Variants in KAZN observed in about 807,000 individuals in gnomAD.
KAZN encodes the protein kazrin, periplakin interacting protein.
In KAZN, 40 loss-of-function variants were observed where a neutral mutation model predicts 87.4. The ratio of observed to expected loss-of-function variants is 0.46; its 90% CI spans 0.36 to 0.60. The LOEUF (loss-of-function observed/expected upper bound fraction) is 0.60. KAZN is among the 20% of genes least tolerant of loss of function. KAZN has a pLI of 0.00. For synonymous variants in KAZN, 466 were observed against 458.3 expected (o/e 1.02, Z -0.22); for missense variants, 898 against 1,073.9 (o/e 0.84, Z 2.29).
intron 1 of KAZN, among the ~76,000 whole-genome samples, chr1:14,083,084 C>T (rs961815629): frequency 1.3e-5 from 2 of 152,074 alleles, no homozygotes; most frequent in African/African-American, 2.4e-5. Context: ...CCCAGCGACT[C>T]GGGAGGTTTC....
chr1:14,359,751 T>C (rs974150432), intron 2 of KAZN, among the ~76,000 whole-genome samples: 3 of 152,184 alleles, frequency 2.0e-5, no homozygotes, highest in Non-Finnish European at 4.4e-5. Flanking sequence ...TTTAAGAATG[T>C]TGAATATTGG....
At chr1:14,746,636 G>T (rs1644268387) in intron 1 of KAZN, among the ~76,000 whole-genome samples, 1 of 152,092 alleles carries the variant, frequency 6.6e-6, no homozygotes. Flanking sequence ...CTGGAGTTGG[G>T]GAGCTGGGGT....
rs967010919 is a variant in KAZN at position 14,881,857 on chromosome 1, T to C, written c.227-78827T>C. ...TTTAAATGAGATTTGGATTCACAAA[T>C]GTAGGTGCTGCTGGCTATGGTGGTG... On this transcript the variant is annotated intron_variant, in intron 1 of 14. Coordinates refer to ENST00000376030, the MANE Select transcript of KAZN (RefSeq NM_201628.3). Among the ~76,000 whole-genome samples the C allele has an allele frequency of 2.0e-5, 3 of 152,230 alleles. No homozygotes were observed. In the East Asian group the frequency reaches 5.8e-4, roughly 29 times the overall value.
chr1:14,817,977 A>C (rs939494020), intron 1 of KAZN, among the ~76,000 whole-genome samples: 1 of 152,266 alleles, frequency 6.6e-6, no homozygotes, highest in Non-Finnish European at 1.5e-5. Flanking sequence ...GGTTTTGCTC[A>C]TACACAGCTG....
intron 1 of KAZN, among the ~76,000 whole-genome samples, chr1:14,147,231 T>C (rs934208419): frequency 2.0e-5 from 3 of 152,206 alleles, no homozygotes; most frequent in Admixed American, 6.5e-5. Context: ...TAAGTTTCCA[T>C]GTATTCGAAA....
At chr1:14,547,361 C>T (rs1056605116) in intron 2 of KAZN, among the ~76,000 whole-genome samples, 3 of 152,142 alleles carry the variant, frequency 2.0e-5, no homozygotes, top group African/African-American at 4.8e-5. Context: ...AAGGTAAGGC[C>T]TGAATTCTAG....
chr1:14,369,352 G>A (rs1054357859), intron 2 of KAZN, among the ~76,000 whole-genome samples: 4 of 152,198 alleles, frequency 2.6e-5, no homozygotes, highest in African/African-American at 9.6e-5. Flanking sequence ...TTGCACGACT[G>A]TATTTACCTT....
At position 14,149,491 on chromosome 1, in the gene KAZN, G is replaced by A. The variant is rs138712193; in HGVS notation, c.92-30944G>A. ...ATCTTGCCCAGTCCCAAGTCTTTCC[G>A]GAGTTCTGGGAACACGGGGCTCTTG... On this transcript the variant is annotated intron_variant, in intron 1 of 16. Coordinates refer to the KAZN transcript ENST00000636203. Among the ~76,000 whole-genome samples the A allele has an allele frequency of 2.0e-3, 305 of 152,116 alleles. 2 individuals carry two copies. The highest frequency in any genetic ancestry group is 6.9e-3 in the African/African-American group (285 of 41,500).
At chr1:14,460,383 G>A (rs1667794652) in intron 2 of KAZN, among the ~76,000 whole-genome samples, 1 of 152,226 alleles carries the variant, frequency 6.6e-6, no homozygotes, top group African/African-American at 2.4e-5. Flanking sequence ...CACACAGCTT[G>A]GCAGCAGCCG....
intron 1 of KAZN, among the ~76,000 whole-genome samples, chr1:14,103,822 C>T (rs1290826811): frequency 6.6e-6 from 1 of 152,162 alleles, no homozygotes; most frequent in Non-Finnish European, 1.5e-5. Context: ...TGTAAGGTAT[C>T]ATATGCACAG....
intron 8 of KAZN, among the ~76,000 whole-genome samples, chr1:15,088,961 T>C (rs1403636162): frequency 6.6e-6 from 1 of 151,722 alleles, no homozygotes; most frequent in South Asian, 2.1e-4. Flanking sequence ...AGAAAATAAA[T>C]AACCCACACA....
intron 1 of KAZN, among the ~76,000 whole-genome samples, chr1:14,886,968 T>C (rs1467667960): frequency 2.6e-5 from 4 of 152,344 alleles, no homozygotes; most frequent in South Asian, 2.1e-4. Context: ...TGGTTCCTAG[T>C]AGGTTCTCAT....
chr1:14,969,299 C>G (rs1664775393), intron 2 of KAZN, among the ~76,000 whole-genome samples: 1 of 152,268 alleles, frequency 6.6e-6, no homozygotes, highest in Admixed American at 6.5e-5. Context: ...GCACTCCATT[C>G]TTAGTCTCAT....
rs529982569 is a variant in KAZN at position 14,820,093 on chromosome 1, T to A, written c.227-140591T>A. On this transcript the variant is annotated intron_variant, in intron 1 of 14. Coordinates refer to ENST00000376030, the MANE Select transcript of KAZN (RefSeq NM_201628.3). The surrounding 1 kb of genome is among the most constrained non-coding windows in gnomAD (Gnocchi z 4.1). Reference sequence around the variant, plus strand: ...TCTCCAACTTTAATGTGCTCAGGAATCACCTGGAGAATTTGTGAATTTATG... The same window carrying A: ...TCTCCAACTTTAATGTGCTCAGGAAACACCTGGAGAATTTGTGAATTTATG... Among the ~76,000 whole-genome samples the A allele has an allele frequency of 6.6e-6, 1 of 152,294 alleles. No individual in the cohort carries two copies. The highest frequency in any genetic ancestry group is 2.1e-4 in the South Asian group (1 of 4,824).
rs12036453 is a variant in KAZN at position 13,932,361 on chromosome 1, T to C, written c.91+38605T>C. ...CTGCAAGCTCCGCCTCCCGGGTTCA[T>C]GCCATTCTCCTGCCTCAGCCTCCCG... On this transcript the variant is annotated intron_variant, in intron 1 of 16. Transcript: ENST00000636203. Among the ~76,000 whole-genome samples, 913 of 146,822 alleles carry C rather than the reference T, an allele frequency of 6.2e-3. 5 individuals carry two copies. Among genetic ancestry groups the C allele is most frequent in the African/African-American group, 0.017 (631 of 38,110 alleles).
At chr1:15,045,790 C>G (rs866710306) in intron 4 of KAZN, among the ~76,000 whole-genome samples, 4 of 152,162 alleles carry the variant, frequency 2.6e-5, no homozygotes, top group South Asian at 4.1e-4. Flanking sequence ...TGCAGAGGAA[C>G]TACCACACGC....
intron 2 of KAZN, among the ~76,000 whole-genome samples, chr1:15,031,325 C>G (rs1383449775): frequency 6.6e-6 from 1 of 152,246 alleles, no homozygotes; most frequent in Non-Finnish European, 1.5e-5. Context: ...ACCACCTCCA[C>G]AACTCCAGAC....
intron 1 of KAZN, among the ~76,000 whole-genome samples, chr1:14,014,963 AT>A (rs1640493847): frequency 6.6e-6 from 1 of 152,202 alleles, no homozygotes; most frequent in South Asian, 2.1e-4. Context: ...GTAATTTATT[AT>A]AATTTTATGA....
intron 1 of KAZN, among the ~76,000 whole-genome samples, chr1:14,868,530 C>A (rs60905306): frequency 0.024 from 3,706 of 152,098 alleles, 153 homozygotes; most frequent in African/African-American, 0.084. Flanking sequence ...CCCCGTGGGC[C>A]CTTCTTGAAG....
Sources: gnomAD v4.1 joint callset for allele counts (sites outside exome capture counted in the v4.1 genomes callset) on GRCh38, gnomAD v4.1.1 for gene constraint, Gnocchi (gnomAD v3.1) non-coding constraint, MANE v1.5 for transcripts, NCBI Gene and HGNC (gene_info 2026-07-23, HGNC 2026-07-21) for gene names.